ACAP2: variants seen among roughly 807,000 people sequenced by gnomAD.
ACAP2 encodes ArfGAP with coiled-coil, ankyrin repeat and PH domains 2.
ACAP2 carries 39 observed loss-of-function variants against 115.8 expected under a neutral mutation model. The observed-to-expected ratio is 0.34, with a 90% CI of 0.26 to 0.44. The LOEUF is 0.44. Ranked by LOEUF, ACAP2 falls within the 20% of genes least tolerant of loss-of-function variation. ACAP2 has a pLI of 1.00. For missense variants in ACAP2, 662 were observed against 927.6 expected, an observed-to-expected ratio of 0.71 and a Z score of 3.72; for synonymous variants, 289 against 315.8, an observed-to-expected ratio of 0.92 and a Z score of 0.90.
At chr3:195,388,263 T>G (rs1445686233) in intron 2 of ACAP2, among the ~76,000 whole-genome samples, 4 of 152,270 alleles carry the variant, frequency 2.6e-5, no homozygotes, top group African/African-American at 9.6e-5. Flanking sequence ...CAACATTTGG[T>G]AGTACTTGGC....
chr3:195,374,849 C>CT lies in ACAP2; in HGVS notation c.285+6159dup, dbSNP rs148359014. On this transcript the variant is annotated intron_variant, in intron 4 of 22. Coordinates refer to ENST00000326793, the MANE Select transcript of ACAP2 (RefSeq NM_012287.6). Reference sequence around the variant, plus strand: ...CCTGTCTCAGCATCCCATAGAAGACCTTTTTTTTTTTAAAGTTAAGTTTAT... The same window carrying CT: ...CCTGTCTCAGCATCCCATAGAAGACCTTTTTTTTTTTTAAAGTTAAGTTTAT... Among the ~76,000 whole-genome samples, 1,231 of 146,476 alleles carry CT rather than the reference C, an allele frequency of 8.4e-3. 15 individuals are homozygous for CT. The highest frequency in any genetic ancestry group is 0.026 in the African/African-American group (1,063 of 40,192).
intron 8 of ACAP2, among the ~76,000 whole-genome samples, chr3:195,327,325 A>T (rs1212543393): frequency 6.6e-6 from 1 of 152,160 alleles, no homozygotes; most frequent in Non-Finnish European, 1.5e-5. Context: ...AAAATCAAAG[A>T]CACGAAGAAG....
At chr3:195,314,381 C>A (rs577285933) in intron 10 of ACAP2, among the ~76,000 whole-genome samples, 2 of 152,172 alleles carry the variant, frequency 1.3e-5, no homozygotes, top group East Asian at 3.9e-4. Flanking sequence ...GATTCTCCTG[C>A]CTCAGTTTCC....
rs540054756 is a variant in ACAP2 at position 195,371,242 on chromosome 3, G to A, written c.285+9767C>T. ...GCCATCTCTGATTTCTTTGAGCAAT[G>A]TTTTGTAATCCTCATTATAGAGATC... On this transcript the variant is annotated intron_variant, in intron 4 of 22. Transcript: ENST00000326793. 2.6e-5 allele frequency among the ~76,000 whole-genome samples: 4 copies of A among 152,204 alleles called. No homozygotes were observed. In the East Asian group the frequency reaches 7.7e-4, roughly 29 times the overall value.
chr3:195,405,313 C>T (rs1163570396), intron 1 of ACAP2, among the ~76,000 whole-genome samples: 2 of 152,162 alleles, frequency 1.3e-5, no homozygotes, highest in Non-Finnish European at 1.5e-5. Context: ...TAAAGGAACA[C>T]ATATACAAGC....
chr3:195,404,576 G>A (rs1057210477), intron 1 of ACAP2, among the ~76,000 whole-genome samples: 7 of 151,622 alleles, frequency 4.6e-5, no homozygotes, highest in African/African-American at 1.7e-4. Context: ...CCCATTCCGC[G>A]AAGCTAAATG....
chr3:195,282,757 C>T (rs1726587714), intron 22 of ACAP2: 1 of 152,342 alleles, frequency 6.6e-6, no homozygotes. Context: ...AACTTAACCA[C>T]ATTCTATTTC....
intron 5 of ACAP2, among the ~76,000 whole-genome samples, chr3:195,344,986 T>G (rs1044024425): frequency 6.6e-6 from 1 of 152,246 alleles, no homozygotes; most frequent in Non-Finnish European, 1.5e-5. Flanking sequence ...TTAGATTATT[T>G]ACATTAAAAA....
At chr3:195,298,064 C>T (rs1429987247) in intron 15 of ACAP2, among the ~76,000 whole-genome samples, 4 of 152,124 alleles carry the variant, frequency 2.6e-5, no homozygotes, top group Admixed American at 1.3e-4. Flanking sequence ...GACACTAATA[C>T]ACATTAAGAT....
At chr3:195,309,893 T>C (rs962366089) in intron 10 of ACAP2, among the ~76,000 whole-genome samples, 2 of 152,180 alleles carry the variant, frequency 1.3e-5, no homozygotes, top group African/African-American at 4.8e-5. Flanking sequence ...CTAATTCTAA[T>C]TTATTAAAAC....
rs570444985 is a variant in ACAP2, at chr3:195,331,551, A to G, written c.669+1477T>C. On this transcript the variant is annotated intron_variant, in intron 8 of 22. Transcript: ENST00000326793. ...TGGTCTCAAACTCCTGGCCTCATGTAATCTGCATGCCTCAGCCTCCCAAAG... is the reference window on the plus strand; with the variant it reads ...TGGTCTCAAACTCCTGGCCTCATGTGATCTGCATGCCTCAGCCTCCCAAAG... Among the ~76,000 whole-genome samples the G allele has an allele frequency of 7.9e-5, 12 of 151,580 alleles. No homozygotes were observed. The East Asian group carries it at 1.8e-3, about 22-fold the overall frequency.
chr3:195,296,101 C>T (rs1386390700), intron 16 of ACAP2, among the ~76,000 whole-genome samples: 1 of 151,964 alleles, frequency 6.6e-6, no homozygotes, highest in Non-Finnish European at 1.5e-5. Flanking sequence ...GAAATACAAA[C>T]AGTAACCTAA....
chr3:195,295,841 C>T lies in ACAP2; in HGVS notation c.1539G>A (p.Val513=), dbSNP rs888211146. Residue 513 remains valine (V), a synonymous_variant, in exon 17 of 23, where the codon GTG becomes GTA. Coordinates refer to ENST00000326793, the MANE Select transcript of ACAP2 (RefSeq NM_012287.6). ...IRAKYVERKF[V]DKYSISLSPP... is the part of the protein sequence containing the mutation. ...GTGATAATGATATAGAATATTTATC[C>T]ACAAATTTCCTCTCCACATATTTTG... The T allele has an allele frequency of 1.2e-6, 2 of 1,613,680 alleles. No homozygotes were observed. The highest frequency in any genetic ancestry group is 8.5e-7 in the Non-Finnish European group (1 of 1,179,892).
intron 7 of ACAP2, chr3:195,336,338 G>A (rs535914691): frequency 2.0e-5 from 3 of 152,032 alleles, no homozygotes; most frequent in African/African-American, 7.2e-5. Flanking sequence ...ACTGCATACG[G>A]AAGAACAAAC....
intron 1 of ACAP2, among the ~76,000 whole-genome samples, chr3:195,414,902 A>C (rs1188324471): frequency 1.3e-5 from 2 of 152,226 alleles, no homozygotes; most frequent in African/African-American, 4.8e-5. Flanking sequence ...ACTGTATTTC[A>C]ACAACATGAC....
chr3:195,401,000 C>A (rs1385611018), intron 1 of ACAP2, among the ~76,000 whole-genome samples: 1 of 152,166 alleles, frequency 6.6e-6, no homozygotes, highest in Admixed American at 6.5e-5. Flanking sequence ...GAGTTTCAGA[C>A]CAGTCCCAGC....
chr3:195,351,880 A>G (rs967161936), intron 4 of ACAP2, among the ~76,000 whole-genome samples: 5 of 152,228 alleles, frequency 3.3e-5, no homozygotes, highest in Admixed American at 1.3e-4. Context: ...AATTAAAACC[A>G]TAAACAATTT....
intron 4 of ACAP2, among the ~76,000 whole-genome samples, chr3:195,363,024 T>C (rs1447429279): frequency 6.6e-6 from 1 of 152,142 alleles, no homozygotes; most frequent in African/African-American, 2.4e-5. Context: ...ATTATCCTTG[T>C]TTGCAAATGA....
chr3:195,329,048 C>T (rs566917964), intron 8 of ACAP2, among the ~76,000 whole-genome samples: 1 of 149,812 alleles, frequency 6.7e-6, no homozygotes, highest in South Asian at 2.1e-4. Context: ...CCACTGTACT[C>T]CAGCCTGGGC....
Sources: allele counts gnomAD v4.1 joint callset (sites outside exome capture counted in the v4.1 genomes callset), GRCh38; gene constraint gnomAD v4.1.1; transcripts MANE v1.5; gene names NCBI Gene and HGNC (gene_info 2026-07-23, HGNC 2026-07-21).